The following GUCA1C variants were observed in gnomAD, a reference collection of about 807,000 sequenced individuals.
GUCA1C encodes guanylyl cyclase-activating protein 3.
In GUCA1C, 15 loss-of-function variants were observed where a neutral mutation model predicts 16.2. That is an observed-to-expected ratio of 0.93 (90% CI 0.62 to 1.43). The LOEUF (loss-of-function observed/expected upper bound fraction) is 1.43. Among genes scored for constraint, GUCA1C ranks in the 40% most tolerant of loss-of-function variants. The pLI is 0.00. For missense variants in GUCA1C, 275 were observed against 244.8 expected, an observed-to-expected ratio of 1.12 and a Z score of -0.82; for synonymous variants, 78 against 85.4, an observed-to-expected ratio of 0.91 and a Z score of 0.48.
intron 2 of GUCA1C, among the ~76,000 whole-genome samples, chr3:108,917,623 G>A (rs1371594450): frequency 6.6e-6 from 1 of 152,100 alleles, no homozygotes; most frequent in Non-Finnish European, 1.5e-5. Context: ...TTCTCACTTG[G>A]CAAGTACTGT....
intron 3 of GUCA1C, among the ~76,000 whole-genome samples, chr3:108,910,324 C>T (rs1054605439): frequency 6.6e-6 from 1 of 151,942 alleles, no homozygotes; most frequent in Non-Finnish European, 1.5e-5. Flanking sequence ...TAGTGGAACC[C>T]CATCTCTATT....
At chr3:108,955,114 T>A (rs560085142), upstream of GUCA1C, among the ~76,000 whole-genome samples, 7 of 152,160 alleles carry the variant, frequency 4.6e-5, no homozygotes, top group South Asian at 1.2e-3. Context: ...TCTGTCTTTG[T>A]CCCTATTCCT....
At chr3:108,949,434 A>G (rs1946875242) in intron 1 of GUCA1C, among the ~76,000 whole-genome samples, 1 of 152,294 alleles carries the variant, frequency 6.6e-6, no homozygotes, top group African/African-American at 2.4e-5. Context: ...CCTGAGCCAA[A>G]GCCTGTAGAC....
At chr3:108,920,661 G>A (rs574736785) in intron 1 of GUCA1C, 76 bp from the exon 2 acceptor site, 35 of 775,206 alleles carry the variant, frequency 4.5e-5, no homozygotes, top group South Asian at 1.2e-4. Context: ...CTCAGCATTC[G>A]TGAGCAGGGC....
At chr3:108,911,112 C>A (rs980860144) in intron 3 of GUCA1C, among the ~76,000 whole-genome samples, 1 of 152,054 alleles carries the variant, frequency 6.6e-6, no homozygotes, top group Non-Finnish European at 1.5e-5. Flanking sequence ...TCACTGGTGG[C>A]CCTTTCATCA....
chr3:108,924,781 T>A (rs1038320867), intron 1 of GUCA1C, among the ~76,000 whole-genome samples: 1 of 152,114 alleles, frequency 6.6e-6, no homozygotes, highest in African/African-American at 2.4e-5. Context: ...TGTTGGCAAT[T>A]TTTTTGTTAC....
intron 1 of GUCA1C, among the ~76,000 whole-genome samples, chr3:108,945,998 G>A (rs1358810570): frequency 6.6e-6 from 1 of 152,170 alleles, no homozygotes; most frequent in African/African-American, 2.4e-5. Context: ...TTACTCTATG[G>A]AAATCAGCAA....
At chr3:108,945,984 G>C (rs956696939) in intron 1 of GUCA1C, among the ~76,000 whole-genome samples, 1 of 152,152 alleles carries the variant, frequency 6.6e-6, no homozygotes, top group Non-Finnish European at 1.5e-5. Flanking sequence ...CACCGCGCGA[G>C]TATTTACTCT....
intron 1 of GUCA1C, among the ~76,000 whole-genome samples, chr3:108,938,148 T>A (rs1946747874): frequency 6.6e-6 from 1 of 152,132 alleles, no homozygotes; most frequent in African/African-American, 2.4e-5. Flanking sequence ...CTCTCTAATT[T>A]AGGAAAACAA....
chr3:108,946,585 ATG>A (rs1389551307), intron 1 of GUCA1C, among the ~76,000 whole-genome samples: 1 of 152,220 alleles, frequency 6.6e-6, no homozygotes, highest in Admixed American at 6.5e-5. Flanking sequence ...ACCAATAATT[ATG>A]TGCCTGTAAA....
At chr3:108,921,752 C>G (rs1300739943) in intron 1 of GUCA1C, among the ~76,000 whole-genome samples, 3 of 152,022 alleles carry the variant, frequency 2.0e-5, no homozygotes, top group Admixed American at 2.0e-4. Flanking sequence ...AAATATTTGG[C>G]CTATTTCTTA....
chr3:108,948,429 A>G (rs1024881578), intron 1 of GUCA1C, among the ~76,000 whole-genome samples: 1 of 152,178 alleles, frequency 6.6e-6, no homozygotes, highest in African/African-American at 2.4e-5. Flanking sequence ...CTGTAAGCCA[A>G]TTAAACCTCT....
At chr3:108,916,986 A>T (rs1031295230) in intron 2 of GUCA1C, among the ~76,000 whole-genome samples, 3 of 151,906 alleles carry the variant, frequency 2.0e-5, no homozygotes, top group Non-Finnish European at 4.4e-5. Flanking sequence ...CATAAATATG[A>T]CTCTCTCTCT....
intron 1 of GUCA1C, among the ~76,000 whole-genome samples, chr3:108,946,176 G>C (rs1273894627): frequency 6.6e-6 from 1 of 152,196 alleles, no homozygotes; most frequent in African/African-American, 2.4e-5. Flanking sequence ...ACTCAGGCTA[G>C]AGTGCAATGG....
chr3:108,932,235 T>C (rs143797824), intron 1 of GUCA1C, among the ~76,000 whole-genome samples: 20 of 151,398 alleles, frequency 1.3e-4, no homozygotes, highest in Non-Finnish European at 2.7e-4. Flanking sequence ...CGAATTCTTA[T>C]TGGCCTGAGC....
At chr3:108,913,470 G>A (rs1257878009) in intron 3 of GUCA1C, among the ~76,000 whole-genome samples, 1 of 151,774 alleles carries the variant, frequency 6.6e-6, no homozygotes, top group Non-Finnish European at 1.5e-5. Flanking sequence ...GTCAAATACT[G>A]GCCAAATCCT....
chr3:108,951,054 A>G (rs1172608154), intron 1 of GUCA1C, among the ~76,000 whole-genome samples: 4 of 152,190 alleles, frequency 2.6e-5, no homozygotes, highest in Non-Finnish European at 5.9e-5. Flanking sequence ...ACATAAAAGA[A>G]AAAGAAAAAT....
At chr3:108,909,617 A>T (rs1232221329) in intron 3 of GUCA1C, among the ~76,000 whole-genome samples, 1 of 152,224 alleles carries the variant, frequency 6.6e-6, no homozygotes, top group Non-Finnish European at 1.5e-5. Context: ...CTTCTCTGCT[A>T]TAACTACTGG....
chr3:108,935,006 G>C (rs1290780452), intron 1 of GUCA1C, among the ~76,000 whole-genome samples: 5 of 151,574 alleles, frequency 3.3e-5, no homozygotes, highest in Non-Finnish European at 5.9e-5. Flanking sequence ...GTAGAGACGG[G>C]GTTTCACCGT....
Sources: gnomAD v4.1 joint callset for allele counts (sites outside exome capture counted in the v4.1 genomes callset) on GRCh38, gnomAD v4.1.1 for gene constraint, MANE v1.5 for transcripts, NCBI Gene and HGNC (gene_info 2026-07-23, HGNC 2026-07-21) for gene names.